SMYD3: variants seen among roughly 807,000 people sequenced by gnomAD.
SMYD3 encodes histone-lysine N-methyltransferase SMYD3.
In SMYD3, 36 loss-of-function variants were observed where a neutral mutation model predicts 57.7. That is an observed-to-expected ratio of 0.62 (90% CI 0.48 to 0.82). The LOEUF (loss-of-function observed/expected upper bound fraction) is 0.82, where lower values mean the gene tolerates loss of function less well. Ranked by LOEUF, SMYD3 falls within the 40% of genes least tolerant of loss-of-function variation. The pLI is 0.00. For missense variants in SMYD3, 515 were observed against 538.8 expected (o/e 0.96, Z 0.44); for synonymous variants, 211 against 195.0 (o/e 1.08, Z -0.68).
Position 245,841,604 on chromosome 1 carries a change from G to C in SMYD3, c.1076+16892C>G, listed in dbSNP as rs563732707. Among the ~76,000 whole-genome samples, 5 of 151,942 alleles carry C rather than the reference G, an allele frequency of 3.3e-5. No individual in the cohort carries two copies. The East Asian group carries it at 9.7e-4, about 29-fold the overall frequency. Reference sequence around the variant, plus strand: ...ATTAAGGTTAAACTATTTACAAATTGGTGAAAGAACATTAAAAATTCTTTA... The same window carrying C: ...ATTAAGGTTAAACTATTTACAAATTCGTGAAAGAACATTAAAAATTCTTTA... On this transcript the variant is annotated intron_variant, in intron 10 of 11. Transcript: ENST00000490107.
At chr1:246,229,342 T>C (rs2063375376) in intron 5 of SMYD3, among the ~76,000 whole-genome samples, 2 of 152,216 alleles carry the variant, frequency 1.3e-5, no homozygotes, top group South Asian at 4.1e-4. Context: ...AAATAATTAG[T>C]AATAACCTAT....
intron 5 of SMYD3, among the ~76,000 whole-genome samples, chr1:246,229,981 A>G (rs4548405): frequency 0.086 from 13,151 of 152,254 alleles, 772 homozygotes; most frequent in East Asian, 0.21. Flanking sequence ...CTGGGCCTTC[A>G]AGATTTTTCC....
At position 246,047,705 on chromosome 1, in the gene SMYD3, G is replaced by A. The variant is rs537480094; in HGVS notation, c.532-117768C>T. The stretch of plus-strand genomic sequence containing the variant: ...CACAAAAAAATCAGCCAGGCATGGT[G>A]GTGTGTGCCTATAATCCTAACTACT... On this transcript the variant is annotated intron_variant, in intron 5 of 11. Transcript: ENST00000490107. 2.6e-4 allele frequency among the ~76,000 whole-genome samples: 39 copies of A among 152,212 alleles called. No individual in the cohort carries two copies. The South Asian group carries it at 7.7e-3, about 30-fold the overall frequency.
At chr1:246,036,617 G>A (rs1572924715) in intron 5 of SMYD3, among the ~76,000 whole-genome samples, 2 of 149,716 alleles carry the variant, frequency 1.3e-5, no homozygotes, top group South Asian at 2.1e-4. Context: ...GCAGTGGTGC[G>A]ATCTCGGCTC....
rs551413550 is a variant in SMYD3, at chr1:245,896,074, C to A, written c.813+19456G>T. On this transcript the variant is annotated intron_variant, in intron 8 of 11. Transcript: ENST00000490107. The stretch of plus-strand genomic sequence containing the variant: ...TGTTTCCAGAATGGATACATTTTCA[C>A]AATGATCCTACTCAATCTCTCTTCA... Among the ~76,000 whole-genome samples the A allele has an allele frequency of 7.2e-5, 11 of 152,274 alleles. No homozygotes were observed. The South Asian group carries it at 1.0e-3, about 14-fold the overall frequency.
chr1:246,003,230 T>C (rs2059110442), intron 5 of SMYD3, among the ~76,000 whole-genome samples: 1 of 152,164 alleles, frequency 6.6e-6, no homozygotes, highest in Non-Finnish European at 1.5e-5. Flanking sequence ...GGGCTCCAAT[T>C]CACAGGTCAT....
At chr1:245,824,061 A>C (rs1400427316) in intron 10 of SMYD3, among the ~76,000 whole-genome samples, 2 of 152,074 alleles carry the variant, frequency 1.3e-5, no homozygotes, top group Non-Finnish European at 2.9e-5. Context: ...CCTACTCACG[A>C]CTGGAGAGTT....
At chr1:246,395,780 A>ACGGC (rs1558443052) in intron 1 of SMYD3, among the ~76,000 whole-genome samples, 1 of 150,016 alleles carries the variant, frequency 6.7e-6, no homozygotes. Context: ...GGAACCCACC[A>ACGGC]TGGTCAGACA....
At chr1:246,395,236 A>G (rs2066640694) in intron 1 of SMYD3, among the ~76,000 whole-genome samples, 1 of 152,222 alleles carries the variant, frequency 6.6e-6, no homozygotes, top group Non-Finnish European at 1.5e-5. Flanking sequence ...ACCAGAACCA[A>G]ATAGCATGGA....
At chr1:246,357,106 A>G (rs1196515074) in intron 1 of SMYD3, among the ~76,000 whole-genome samples, 1 of 152,236 alleles carries the variant, frequency 6.6e-6, no homozygotes, top group Non-Finnish European at 1.5e-5. Flanking sequence ...AGAGGCATGC[A>G]TGTGAACCAG....
intron 5 of SMYD3, among the ~76,000 whole-genome samples, chr1:246,166,211 C>T (rs180701289): frequency 6.6e-6 from 1 of 152,262 alleles, no homozygotes; most frequent in East Asian, 1.9e-4. Context: ...CTGAGAACAT[C>T]AAAGGTCTAT....
At chr1:246,122,814 T>A (rs1373038259) in intron 5 of SMYD3, among the ~76,000 whole-genome samples, 1 of 152,178 alleles carries the variant, frequency 6.6e-6, no homozygotes, top group Non-Finnish European at 1.5e-5. Context: ...TCTCCGGGAC[T>A]AATTTCACAT....
chr1:246,369,558 G>A (rs943490583), intron 1 of SMYD3, among the ~76,000 whole-genome samples: 9 of 152,034 alleles, frequency 5.9e-5, no homozygotes, highest in South Asian at 2.1e-4. Context: ...ACAGGGTCTC[G>A]CTCTGTTACC....
intron 1 of SMYD3, among the ~76,000 whole-genome samples, chr1:246,423,059 G>C (rs2067166178): frequency 6.6e-6 from 1 of 152,132 alleles, no homozygotes; most frequent in Admixed American, 6.5e-5. Flanking sequence ...ATCACTTTGG[G>C]AGGCCAAGGC....
intron 5 of SMYD3, chr1:246,326,932 A>C: frequency 2.1e-6 from 1 of 469,284 alleles, no homozygotes; most frequent in Non-Finnish European, 3.7e-6. Context: ...AAAAGAAAGC[A>C]TACTCTTTCT....
chr1:246,307,378 A>G (rs2064996432), intron 5 of SMYD3, among the ~76,000 whole-genome samples: 1 of 148,048 alleles, frequency 6.8e-6, no homozygotes. Flanking sequence ...CACGTTTCCC[A>G]TTTGAAGAAC....
At chr1:246,347,030 A>G (rs888604424) in intron 2 of SMYD3, among the ~76,000 whole-genome samples, 12 of 152,194 alleles carry the variant, frequency 7.9e-5, no homozygotes, top group African/African-American at 2.9e-4. Flanking sequence ...ACAAAAATAA[A>G]GAATGCCTTT....
At chr1:245,897,622 C>T (rs542894055) in intron 8 of SMYD3, among the ~76,000 whole-genome samples, 39 of 152,192 alleles carry the variant, frequency 2.6e-4, no homozygotes, top group African/African-American at 8.2e-4. Context: ...TGGCTGGGCA[C>T]GGTGGTTCAC....
chr1:246,159,210 T>A (rs1334220747), intron 5 of SMYD3, among the ~76,000 whole-genome samples: 4 of 152,128 alleles, frequency 2.6e-5, no homozygotes, highest in African/African-American at 9.7e-5. Context: ...GAATACCAAA[T>A]AAAATGATTT....
Sources: gnomAD v4.1 joint callset for allele counts (sites outside exome capture counted in the v4.1 genomes callset) on GRCh38, gnomAD v4.1.1 for gene constraint, MANE v1.5 for transcripts, NCBI Gene and HGNC (gene_info 2026-07-23, HGNC 2026-07-21) for gene names.